Variants in TMEM87A observed in about 807,000 individuals in gnomAD.
The protein encoded by TMEM87A is transmembrane protein 87A.
A neutral mutation model predicts 90.0 loss-of-function variants in TMEM87A; 50 were observed. The ratio of observed to expected loss-of-function variants is 0.56; its 90% CI spans 0.44 to 0.70. The LOEUF is 0.70. Ranked by LOEUF, TMEM87A falls within the 30% of genes least tolerant of loss-of-function variation. The pLI is 0.00. For missense variants in TMEM87A, 577 were observed against 660.5 expected, an observed-to-expected ratio of 0.87 and a Z score of 1.39; for synonymous variants, 226 against 226.7, an observed-to-expected ratio of 1.00 and a Z score of 0.03.
rs1477897384 is a variant in TMEM87A, at chr15:42,228,747, C to T, written c.1205G>A (p.Arg402Gln). 32 of 1,610,358 alleles carry T rather than the reference C, an allele frequency of 2.0e-5. No homozygotes were observed. Among genetic ancestry groups the T allele is most frequent in the Non-Finnish European group, 2.6e-5 (31 of 1,179,010 alleles). The change falls in exon 13 of 20, where the codon CGG becomes CAG. Residue 402 changes from arginine to glutamine, a missense_variant. Arg to Gln is a conservative substitution (Grantham distance 43). Coordinates refer to ENST00000389834, the MANE Select transcript of TMEM87A (RefSeq NM_015497.5). ...RRNIVKLSLYRHFTNTLILAV... is the reference protein window; with the variant it reads ...RRNIVKLSLYQHFTNTLILAV... Reference sequence around the variant, plus strand: ...CAAAATAAGCGTGTTGGTGAAATGCCGATACAAAGAGAGTTTTACAATGTT... The same window carrying T: ...CAAAATAAGCGTGTTGGTGAAATGCTGATACAAAGAGAGTTTTACAATGTT...
At chr15:42,232,076 G>A (rs1483449696) in intron 11 of TMEM87A, among the ~76,000 whole-genome samples, 2 of 152,124 alleles carry the variant, frequency 1.3e-5, no homozygotes, top group East Asian at 3.8e-4. Flanking sequence ...ATATTGAGCC[G>A]TTTTCTTGTG....
chr15:42,235,881 C>A (rs2050760300), intron 10 of TMEM87A, among the ~76,000 whole-genome samples: 1 of 152,162 alleles, frequency 6.6e-6, no homozygotes, highest in African/African-American at 2.4e-5. Flanking sequence ...TTGCCATATC[C>A]CCAGGGCCTA....
intron 10 of TMEM87A, among the ~76,000 whole-genome samples, chr15:42,233,779 C>CT (rs145910130): frequency 6.6e-6 from 1 of 151,918 alleles, no homozygotes; most frequent in Non-Finnish European, 1.5e-5. Flanking sequence ...AAGGGCCTTT[C>CT]TTTTTTTCCC....
chr15:42,264,059 C>T (rs1432008341), intron 4 of TMEM87A, 31 bp downstream of exon 4: 2 of 1,559,642 alleles, frequency 1.3e-6, no homozygotes, highest in Non-Finnish European at 8.8e-7. Flanking sequence ...TTTGCCTATT[C>T]TATTTATCTC....
At chr15:42,244,748 T>C (rs2050940121) in intron 6 of TMEM87A, among the ~76,000 whole-genome samples, 1 of 144,666 alleles carries the variant, frequency 6.9e-6, no homozygotes, top group African/African-American at 2.6e-5. Flanking sequence ...AGTCTCCAAG[T>C]CCTTGACTTT....
intron 8 of TMEM87A, among the ~76,000 whole-genome samples, chr15:42,237,983 G>A (rs891819423): frequency 7.0e-6 from 1 of 143,018 alleles, no homozygotes; most frequent in Non-Finnish European, 1.5e-5. Flanking sequence ...AAGAGCGAAT[G>A]CTCTCATATG....
chr15:42,253,613 C>T (rs2051124844), intron 6 of TMEM87A, among the ~76,000 whole-genome samples: 1 of 152,222 alleles, frequency 6.6e-6, no homozygotes, highest in Admixed American at 6.5e-5. Context: ...CTGGCACCAG[C>T]AACCTGCACC....
intron 6 of TMEM87A, among the ~76,000 whole-genome samples, chr15:42,246,753 T>C (rs1178182921): frequency 6.6e-6 from 1 of 152,252 alleles, no homozygotes; most frequent in Admixed American, 6.5e-5. Context: ...GCAATAAACA[T>C]ACGTGTGCAT....
At chr15:42,236,550 T>C in intron 9 of TMEM87A, 131 bp from the exon 10 acceptor site, 1 of 709,530 alleles carries the variant, frequency 1.4e-6, no homozygotes, top group Non-Finnish European at 2.4e-6. Flanking sequence ...ATAGAATACC[T>C]CTTCCACAGT....
intron 19 of TMEM87A, among the ~76,000 whole-genome samples, chr15:42,217,084 G>A (rs2050396666): frequency 6.6e-6 from 1 of 151,268 alleles, no homozygotes; most frequent in African/African-American, 2.4e-5. Flanking sequence ...CTCCCAAGTA[G>A]CTGAGACTAC....
Position 42,272,142 on chromosome 15 carries a change from G to A in TMEM87A, c.145-19C>T. The stretch of plus-strand genomic sequence containing the variant: ...TTTTCCCCTGCAAACATAAAGGAAA[G>A]ATAATTAGCCTCAGATGGCTTCAAT... On this transcript the variant is annotated intron_variant, in intron 1 of 19. Transcript: ENST00000389834. The A allele has an allele frequency of 6.3e-7, 1 of 1,585,582 alleles. No individual in the cohort carries two copies. Among genetic ancestry groups the A allele is most frequent in the Admixed American group, 1.7e-5 (1 of 57,456 alleles).
intron 6 of TMEM87A, among the ~76,000 whole-genome samples, chr15:42,251,031 C>A (rs1465539127): frequency 6.6e-6 from 1 of 152,122 alleles, no homozygotes; most frequent in East Asian, 1.9e-4. Flanking sequence ...TTGATCGAAT[C>A]AGCTACTGAA....
intron 6 of TMEM87A, among the ~76,000 whole-genome samples, chr15:42,257,719 T>C (rs183900829): frequency 1.0e-3 from 152 of 152,228 alleles, no homozygotes; most frequent in African/African-American, 3.5e-3. Flanking sequence ...ACTTTATCCA[T>C]AATAGGGGAA....
chr15:42,215,453 T>C (rs1595702000), intron 19 of TMEM87A, among the ~76,000 whole-genome samples: 2 of 152,148 alleles, frequency 1.3e-5, no homozygotes. Flanking sequence ...CACTGTCATA[T>C]ATGTGGTCCG....
At chr15:42,271,085 G>A (rs1009533044) in intron 2 of TMEM87A, among the ~76,000 whole-genome samples, 6 of 152,102 alleles carry the variant, frequency 3.9e-5, no homozygotes, top group Non-Finnish European at 7.4e-5. Flanking sequence ...AGCTGCCCAC[G>A]ATCAATCGTT....
At chr15:42,228,583 C>A in intron 13 of TMEM87A, 129 bp downstream of exon 13, 1 of 698,662 alleles carries the variant, frequency 1.4e-6, no homozygotes, top group Non-Finnish European at 2.5e-6. Flanking sequence ...GAGAATTTGA[C>A]AAGAGCTAAG....
In TMEM87A at chr15:42,221,490, T is replaced by C. The variant is rs774931282; in HGVS notation, c.1404-1355A>G. On this transcript the variant is annotated intron_variant, in intron 15 of 19. Transcript: ENST00000389834. ...CTCAAGGAATTATCAAAAATATATA[T>C]ATAATCTCCCTAATTTATTAATTCA... is the stretch of plus-strand genomic sequence containing the variant. Among the ~76,000 whole-genome samples the C allele has an allele frequency of 4.9e-4, 74 of 152,144 alleles. 1 individual carries two copies. Among genetic ancestry groups the C allele is most frequent in the Non-Finnish European group, 1.2e-4 (8 of 68,034 alleles).
intron 2 of TMEM87A, among the ~76,000 whole-genome samples, chr15:42,269,959 A>G (rs12441002): frequency 5.9e-5 from 9 of 151,680 alleles, no homozygotes; most frequent in Admixed American, 5.9e-4. Context: ...AAAAAAAAAA[A>G]AAAAAATGGT....
chr15:42,227,971 C>T (rs557344599), intron 13 of TMEM87A, among the ~76,000 whole-genome samples: 2 of 152,284 alleles, frequency 1.3e-5, no homozygotes, highest in East Asian at 1.9e-4. Context: ...CATACTCTGG[C>T]CAATCCTTTC....
Sources: allele counts gnomAD v4.1 joint callset (sites outside exome capture counted in the v4.1 genomes callset), GRCh38; gene constraint gnomAD v4.1.1; transcripts MANE v1.5; gene names NCBI Gene and HGNC (gene_info 2026-07-23, HGNC 2026-07-21).